Variants in ARIH1 observed in about 807,000 individuals in gnomAD.
ARIH1 encodes the protein E3 ubiquitin-protein ligase ARIH1.
ARIH1 carries 8 observed loss-of-function variants against 85.0 expected under a neutral mutation model. That is an observed-to-expected ratio of 0.09 (90% CI 0.06 to 0.17). The LOEUF (loss-of-function observed/expected upper bound fraction) is 0.17, where lower values mean the gene tolerates loss of function less well. Ranked by LOEUF, ARIH1 falls within the 10% of genes least tolerant of loss-of-function variation. The pLI is 1.00. For synonymous variants in ARIH1, 238 were observed against 253.6 expected (o/e 0.94, Z 0.59); for missense variants, 311 against 718.1 (o/e 0.43, Z 6.48).
At chr15:72,488,404 A>G (rs1317493773) in intron 1 of ARIH1, among the ~76,000 whole-genome samples, 1 of 151,986 alleles carries the variant, frequency 6.6e-6, no homozygotes, top group Non-Finnish European at 1.5e-5. Context: ...TGCCTGATAT[A>G]TTCCTATTGA....
chr15:72,553,672 C>T (rs746139445), intron 3 of ARIH1, among the ~76,000 whole-genome samples: 39 of 152,176 alleles, frequency 2.6e-4, no homozygotes, highest in Non-Finnish European at 4.7e-4. Flanking sequence ...GTAATCTCAG[C>T]GCTTTGGGAG....
chr15:72,532,300 TA>T (rs768928589), intron 2 of ARIH1, among the ~76,000 whole-genome samples: 2 of 151,952 alleles, frequency 1.3e-5, no homozygotes, highest in African/African-American at 2.4e-5. Flanking sequence ...AAAAAACTCT[TA>T]AAATTATGGA....
intron 1 of ARIH1, among the ~76,000 whole-genome samples, chr15:72,517,306 GT>G (rs2063979424): frequency 6.6e-6 from 1 of 152,138 alleles, no homozygotes; most frequent in African/African-American, 2.4e-5. Flanking sequence ...GTCTAACTAT[GT>G]TGTCCAGGCT....
chr15:72,535,971 A>C (rs569721217), intron 2 of ARIH1, among the ~76,000 whole-genome samples: 127 of 152,326 alleles, frequency 8.3e-4, no homozygotes, highest in African/African-American at 2.8e-3. Flanking sequence ...ACATTTGTAA[A>C]TAAGTTATAA....
chr15:72,549,088 CT>C (rs528063272), intron 3 of ARIH1, among the ~76,000 whole-genome samples: 6,635 of 139,234 alleles, frequency 0.048, 355 homozygotes, highest in African/African-American at 0.15. Context: ...CTCTCTCTCT[CT>C]TTTTTTTTTT....
At chr15:72,532,761 C>T (rs1674252918) in intron 2 of ARIH1, among the ~76,000 whole-genome samples, 1 of 152,208 alleles carries the variant, frequency 6.6e-6, no homozygotes, top group African/African-American at 2.4e-5. Flanking sequence ...AGCATGGCCA[C>T]CTGAGGTGAA....
chr15:72,555,388 GTTTTTGTTGAA>G (rs1255154677), intron 4 of ARIH1, 25 bp downstream of exon 4: 10 of 1,566,616 alleles, frequency 6.4e-6, no homozygotes, highest in African/African-American at 2.7e-5. Context: ...TTGTTTTTCA[GTTTTTGTTGAA>G]TTTCCTATAG....
chr15:72,498,124 GAGTCTTAA>G (rs1359350731), intron 1 of ARIH1, among the ~76,000 whole-genome samples: 8 of 152,146 alleles, frequency 5.3e-5, no homozygotes, highest in Admixed American at 4.6e-4. Context: ...CACAAAAGGG[GAGTCTTAA>G]GGAGGTGAAG....
intron 2 of ARIH1, among the ~76,000 whole-genome samples, chr15:72,518,371 G>A (rs200039521): frequency 2.1e-5 from 1 of 47,984 alleles, no homozygotes; most frequent in Non-Finnish European, 2.1e-4. Context: ...GTGTTTGGGG[G>A]TGTGCTTCAG....
intron 4 of ARIH1, 74 bp downstream of exon 4, chr15:72,555,437 A>G (rs2064170990): frequency 9.8e-7 from 1 of 1,021,426 alleles, no homozygotes; most frequent in African/African-American, 1.6e-5. Flanking sequence ...AAATTTGCAC[A>G]AATAAAAACA....
chr15:72,492,064 A>G (rs996412685), intron 1 of ARIH1, among the ~76,000 whole-genome samples: 6 of 152,176 alleles, frequency 3.9e-5, no homozygotes, highest in Non-Finnish European at 7.3e-5. Context: ...TCAGAAGTCT[A>G]CTACATACCC....
chr15:72,531,449 G>A (rs1183084408), intron 2 of ARIH1, among the ~76,000 whole-genome samples: 2 of 152,000 alleles, frequency 1.3e-5, no homozygotes, highest in Non-Finnish European at 2.9e-5. Flanking sequence ...AGTATTTTTA[G>A]TAGAGATGGG....
chr15:72,525,221 G>A (rs993859719), intron 2 of ARIH1, among the ~76,000 whole-genome samples: 3 of 152,140 alleles, frequency 2.0e-5, no homozygotes, highest in African/African-American at 7.2e-5. Context: ...AAGAATGCAA[G>A]AATAGATCAT....
chr15:72,510,736 C>CAAAAAAAAAAAAAAA (rs57834481), intron 1 of ARIH1, among the ~76,000 whole-genome samples: 2 of 26,724 alleles, frequency 7.5e-5, no homozygotes, highest in African/African-American at 1.2e-4. Flanking sequence ...GACTCTGACT[C>CAAAAAAAAAAAAAAA]AAAAAAAAAA....
intron 1 of ARIH1, among the ~76,000 whole-genome samples, chr15:72,497,470 C>G (rs1159710343): frequency 6.7e-6 from 1 of 148,648 alleles, no homozygotes; most frequent in Non-Finnish European, 1.5e-5. Context: ...AAAAAAAAAA[C>G]AGGGTTAGGA....
chr15:72,525,089 T>C (rs12909168), intron 2 of ARIH1, among the ~76,000 whole-genome samples: 123,313 of 152,062 alleles, frequency 0.81, 54,001 homozygotes, highest in East Asian at 1. Flanking sequence ...TGGGGTTTCA[T>C]CATGTTGGCC....
chr15:72,526,738 T>G (rs535961816), intron 2 of ARIH1, among the ~76,000 whole-genome samples: 1 of 152,238 alleles, frequency 6.6e-6, no homozygotes, highest in East Asian at 1.9e-4. Flanking sequence ...AAATAAGATA[T>G]AAATTTTGGG....
At chr15:72,580,679 T>C (rs1363405388) in intron 11 of ARIH1, 52 bp from the exon 12 acceptor site, 4 of 1,513,426 alleles carry the variant, frequency 2.6e-6, no homozygotes, top group Non-Finnish European at 3.6e-6. Context: ...TCAGCTTTTA[T>C]GTACAGTTTA....
chr15:72,508,394 A>G (rs760203678), intron 1 of ARIH1, among the ~76,000 whole-genome samples: 90 of 152,360 alleles, frequency 5.9e-4, no homozygotes, highest in Non-Finnish European at 9.4e-4. Flanking sequence ...TTGGTGGCAC[A>G]CCGAAGTGAA....
Sources: gnomAD v4.1 joint callset for allele counts (sites outside exome capture counted in the v4.1 genomes callset) on GRCh38, gnomAD v4.1.1 for gene constraint, MANE v1.5 for transcripts, NCBI Gene and HGNC (gene_info 2026-07-23, HGNC 2026-07-21) for gene names.